The following BANK1 variants were observed in gnomAD, a reference collection of about 807,000 sequenced individuals.
The protein encoded by BANK1 is B-cell scaffold protein with ankyrin repeats.
In BANK1, 95 loss-of-function variants were observed where a neutral mutation model predicts 94.5. The ratio of observed to expected loss-of-function variants is 1.00; its 90% CI spans 0.85 to 1.19. The LOEUF is 1.19. BANK1 is among the 50% of genes most tolerant of loss of function. The probability of loss-of-function intolerance (pLI) is 0.00; values close to 1 mark genes in which losing one functional copy is unlikely to be tolerated. For synonymous variants in BANK1, 334 were observed against 308.4 expected (o/e 1.08, Z -0.87); for missense variants, 987 against 932.2 (o/e 1.06, Z -0.77).
intron 10 of BANK1, among the ~76,000 whole-genome samples, chr4:102,031,814 T>A (rs1250629216): frequency 6.6e-6 from 1 of 152,214 alleles, no homozygotes; most frequent in Admixed American, 6.5e-5. Flanking sequence ...ACCATTCTGT[T>A]CCTTAAGCTG....
intron 7 of BANK1, among the ~76,000 whole-genome samples, chr4:101,951,458 T>TA (rs1251489333): frequency 2.0e-5 from 3 of 152,104 alleles, no homozygotes; most frequent in Non-Finnish European, 2.9e-5. Flanking sequence ...TAGAGATAAC[T>TA]AAAAACAGTT....
chr4:101,963,213 C>T (rs1041305290), intron 7 of BANK1, among the ~76,000 whole-genome samples: 4 of 152,062 alleles, frequency 2.6e-5, no homozygotes, highest in Non-Finnish European at 4.4e-5. Flanking sequence ...TTTCCAAAAG[C>T]TTCATGGCTA....
chr4:101,986,055 A>G (rs767272694), intron 7 of BANK1, among the ~76,000 whole-genome samples: 4 of 152,196 alleles, frequency 2.6e-5, no homozygotes, highest in Non-Finnish European at 5.9e-5. Context: ...ATGAAGGTGA[A>G]TAAAGCATAG....
At chr4:102,043,206 TCAAA>T (rs1346150972) in intron 10 of BANK1, among the ~76,000 whole-genome samples, 4 of 152,012 alleles carry the variant, frequency 2.6e-5, no homozygotes, top group Non-Finnish European at 5.9e-5. Flanking sequence ...TCAATAAATA[TCAAA>T]CAATCAACTT....
chr4:101,986,857 ATATATATATGTGTG>A (rs1560668271), intron 7 of BANK1, among the ~76,000 whole-genome samples: 80 of 48,844 alleles, frequency 1.6e-3, no homozygotes, highest in East Asian at 3.3e-3. Context: ...ATATATATGT[ATATATATATGTGTG>A]TATGTGTGTG....
chr4:102,063,074 G>A lies in BANK1; in HGVS notation c.2149-1G>A. Reference sequence around the variant, plus strand: ...TATGTCCTGGTTGTTTCCACATTAAGGAGAAATTACGACAACTACGAGACT... The same window carrying A: ...TATGTCCTGGTTGTTTCCACATTAAAGAGAAATTACGACAACTACGAGACT... On this transcript the variant is annotated splice_acceptor_variant, in intron 12 of 16. Transcript: ENST00000322953. LOFTEE classifies it high-confidence loss of function. 1.9e-6 allele frequency: 3 copies of A among 1,613,070 alleles called. No homozygotes were observed. The highest frequency in any genetic ancestry group is 2.5e-6 in the Non-Finnish European group (3 of 1,179,258).
intron 2 of BANK1, among the ~76,000 whole-genome samples, chr4:101,838,210 C>CAA (rs1338731159): frequency 1.3e-5 from 2 of 152,142 alleles, no homozygotes; most frequent in Non-Finnish European, 2.9e-5. Flanking sequence ...CCACCCACCT[C>CAA]GGCCTTCCAA....
intron 5 of BANK1, among the ~76,000 whole-genome samples, chr4:101,884,431 A>T (rs983117491): frequency 6.6e-6 from 1 of 152,046 alleles, no homozygotes; most frequent in African/African-American, 2.4e-5. Context: ...TTCCTTCTCA[A>T]TATTCTTTGT....
chr4:102,030,276 T>C lies in BANK1; in HGVS notation c.1900+11T>C, dbSNP rs749951018. On this transcript the variant is annotated intron_variant, in intron 10 of 16. Transcript: ENST00000322953. ...CTTACATAGCTCAAGGTAATTATCA[T>C]TGTTGTTTGTTTACTTGTTAATTTT... The C allele has an allele frequency of 6.5e-6, 10 of 1,549,232 alleles. No individual in the cohort carries two copies. Among genetic ancestry groups the C allele is most frequent in the Non-Finnish European group, 7.8e-6 (9 of 1,154,060 alleles).
intron 10 of BANK1, among the ~76,000 whole-genome samples, chr4:102,038,190 C>G (rs1727581761): frequency 6.6e-6 from 1 of 151,922 alleles, no homozygotes; most frequent in South Asian, 2.1e-4. Flanking sequence ...ATTAGAGTAC[C>G]AAGTTTTATC....
intron 2 of BANK1, among the ~76,000 whole-genome samples, chr4:101,835,899 C>T (rs941948006): frequency 1.2e-4 from 19 of 152,156 alleles, no homozygotes; most frequent in African/African-American, 4.6e-4. Context: ...ACAGCCTTTC[C>T]ATTTTTGCGT....
At chr4:101,956,609 C>A (rs73834507) in intron 7 of BANK1, among the ~76,000 whole-genome samples, 1 of 152,020 alleles carries the variant, frequency 6.6e-6, no homozygotes, top group African/African-American at 2.4e-5. Flanking sequence ...CTTGGAGAAG[C>A]GGCAGGCTAA....
intron 5 of BANK1, among the ~76,000 whole-genome samples, chr4:101,887,268 T>C (rs1304472379): frequency 3.9e-5 from 6 of 152,232 alleles, no homozygotes; most frequent in South Asian, 2.1e-4. Flanking sequence ...ACTTTGGGTC[T>C]CTGTATTGCA....
chr4:102,018,007 G>A (rs1352035748), intron 7 of BANK1, among the ~76,000 whole-genome samples: 1 of 152,046 alleles, frequency 6.6e-6, no homozygotes, highest in African/African-American at 2.4e-5. Flanking sequence ...GAAATTATAT[G>A]AATGTGCTTT....
At chr4:101,929,456 T>C (rs1371099214) in intron 7 of BANK1, among the ~76,000 whole-genome samples, 1 of 151,682 alleles carries the variant, frequency 6.6e-6, no homozygotes, top group Non-Finnish European at 1.5e-5. Flanking sequence ...ATTATTTTAA[T>C]ACTTAAGTCA....
chr4:101,873,588 T>C (rs563235700), intron 5 of BANK1, among the ~76,000 whole-genome samples: 227 of 152,302 alleles, frequency 1.5e-3, no homozygotes, highest in African/African-American at 5.3e-3. Flanking sequence ...AATCTGGCTT[T>C]CTAATTTAAT....
intron 6 of BANK1, among the ~76,000 whole-genome samples, chr4:101,906,831 C>T (rs1303498500): frequency 6.6e-6 from 1 of 152,084 alleles, no homozygotes; most frequent in Non-Finnish European, 1.5e-5. Context: ...AACTTGGATT[C>T]GAGCCCCCAC....
chr4:101,810,238 A>T (rs1725694638), intron 1 of BANK1, among the ~76,000 whole-genome samples: 1 of 152,218 alleles, frequency 6.6e-6, no homozygotes, highest in African/African-American at 2.4e-5. Flanking sequence ...TATCTGGATT[A>T]TTGTCAAGTT....
chr4:101,967,488 A>C (rs1724804748), intron 7 of BANK1, among the ~76,000 whole-genome samples: 1 of 152,028 alleles, frequency 6.6e-6, no homozygotes, highest in Admixed American at 6.6e-5. Flanking sequence ...AAACAAATTG[A>C]GAAAGGGGGT....
Sources: gnomAD v4.1 joint callset for allele counts (sites outside exome capture counted in the v4.1 genomes callset) on GRCh38, gnomAD v4.1.1 for gene constraint, MANE v1.5 for transcripts, NCBI Gene and HGNC (gene_info 2026-07-23, HGNC 2026-07-21) for gene names.